The following DEFB1 variants were observed in gnomAD, a reference collection of about 807,000 sequenced individuals.
The protein encoded by DEFB1 is beta-defensin 1.
Under a neutral mutation model 2.6 loss-of-function variants are expected in DEFB1, and 4 were observed. The observed-to-expected ratio is 1.53, with a 90% CI of 0.76 to 3.51. The LOEUF (loss-of-function observed/expected upper bound fraction) is 3.51. Ranked by LOEUF, DEFB1 falls within the 30% of genes most tolerant of loss-of-function variation. The pLI is 0.01. For synonymous variants in DEFB1, 56 were observed against 28.5 expected (o/e 1.96, Z -3.07); for missense variants, 162 against 76.9 (o/e 2.11, Z -4.14).
intron 1 of DEFB1, among the ~76,000 whole-genome samples, chr8:6,875,100 AC>A (rs1806476774): frequency 6.6e-6 from 1 of 151,094 alleles, no homozygotes; most frequent in Non-Finnish European, 1.5e-5. Flanking sequence ...ACACACACAC[AC>A]ACACACACCC....
intron 1 of DEFB1, among the ~76,000 whole-genome samples, chr8:6,877,164 C>T (rs539900922): frequency 6.6e-6 from 1 of 152,324 alleles, no homozygotes; most frequent in East Asian, 1.9e-4. Flanking sequence ...CCGATTCCTC[C>T]TGCACGTCCC....
chr8:6,870,769 C>A lies in DEFB1; in HGVS notation c.119G>T (p.Ser40Ile), dbSNP rs1468709660. 6.2e-7 allele frequency: 1 copy of A among 1,614,148 alleles called. No homozygotes were observed. The highest frequency in any genetic ancestry group is 8.5e-7 in the Non-Finnish European group (1 of 1,180,060). ...HRSDHYNCVS[S>I]GGQCLYSACP... ...GGCAGAATAGAGACATTGCCCTCCA[C>A]TGCTGACGCAATTGTAATGATCAGA... is the stretch of plus-strand genomic sequence containing the variant. The change falls in exon 2 of 2, where the codon AGT becomes ATT. Residue 40 changes from serine to isoleucine, a missense_variant. Physicochemically the swap from Ser to Ile is moderately radical, Grantham distance 142. Transcript: ENST00000297439.
chr8:6,876,102 C>T (rs1346968141), intron 1 of DEFB1, among the ~76,000 whole-genome samples: 1 of 152,172 alleles, frequency 6.6e-6, no homozygotes, highest in Non-Finnish European at 1.5e-5. Flanking sequence ...AACATATGCA[C>T]ACACCCCAAA....
chr8:6,877,862 A>G lies in DEFB1; in HGVS notation c.-5T>C, dbSNP rs978060463. The G allele has an allele frequency of 1.9e-6, 3 of 1,613,952 alleles. No individual in the cohort carries two copies. The highest frequency in any genetic ancestry group is 2.7e-5 in the African/African-American group (2 of 75,036). On this transcript the variant is annotated 5_prime_UTR_variant, in exon 1 of 2. Coordinates refer to ENST00000297439, the MANE Select transcript of DEFB1 (RefSeq NM_005218.4). Reference sequence around the variant, plus strand: ...CAGAAGGTAGGAAGTTCTCATGGCGACTGGCAGGCAACACCCAGGATTTCA... The same window carrying G: ...CAGAAGGTAGGAAGTTCTCATGGCGGCTGGCAGGCAACACCCAGGATTTCA...
intron 1 of DEFB1, among the ~76,000 whole-genome samples, chr8:6,877,493 C>T (rs1196023923): frequency 6.6e-6 from 1 of 152,208 alleles, no homozygotes; most frequent in African/African-American, 2.4e-5. Context: ...AGTCGTCTTG[C>T]AGGGGAAGCA....
chr8:6,877,726 T>TCAGC, intron 1 of DEFB1, 71 bp downstream of exon 1: 1 of 1,391,918 alleles, frequency 7.2e-7, no homozygotes. Context: ...GAGGCAGCCA[T>TCAGC]CCGAGACTCA....
intron 1 of DEFB1, among the ~76,000 whole-genome samples, chr8:6,872,246 C>A (rs1161527311): frequency 6.6e-6 from 1 of 152,078 alleles, no homozygotes; most frequent in South Asian, 2.1e-4. Flanking sequence ...ATAGAGGCTT[C>A]ATTTCTCTCA....
chr8:6,871,149 A>T (rs938829314), intron 1 of DEFB1, among the ~76,000 whole-genome samples: 2 of 152,148 alleles, frequency 1.3e-5, no homozygotes, highest in Admixed American at 6.5e-5. Flanking sequence ...CCTTGTCTCA[A>T]CACACCCCAA....
intron 1 of DEFB1, among the ~76,000 whole-genome samples, chr8:6,872,845 C>G (rs1025780534): frequency 5.9e-5 from 9 of 152,194 alleles, no homozygotes; most frequent in African/African-American, 2.2e-4. Context: ...GCCAAAGTCT[C>G]CACTTTCTGC....
intron 1 of DEFB1, among the ~76,000 whole-genome samples, chr8:6,873,233 C>A (rs1806387887): frequency 6.6e-6 from 1 of 152,188 alleles, no homozygotes; most frequent in Admixed American, 6.5e-5. Context: ...GGTCAAAGAC[C>A]AACCCCGGAC....
intron 1 of DEFB1, among the ~76,000 whole-genome samples, chr8:6,877,231 T>C (rs939198687): frequency 3.3e-5 from 5 of 152,222 alleles, no homozygotes; most frequent in Admixed American, 3.3e-4. Context: ...TACACCTGGC[T>C]CACAGGAAGC....
In DEFB1 at chr8:6,870,677, C is replaced by T. The variant is rs766860665; in HGVS notation, c.*4G>A. ...CTGCGTCATTTCTTCTGGTCACTCC[C>T]AGCTCACTTGCAGCACTTGGCCTTC... On this transcript the variant is annotated 3_prime_UTR_variant, in exon 2 of 2. Coordinates refer to ENST00000297439, the MANE Select transcript of DEFB1 (RefSeq NM_005218.4). 11 of 1,612,978 alleles carry T rather than the reference C, an allele frequency of 6.8e-6. No individual in the cohort carries two copies. The East Asian group carries it at 1.3e-4, about 20-fold the overall frequency.
rs1241252739 is a variant in DEFB1 at position 6,875,101 on chromosome 8, CACACACA to C, written c.61+2689_61+2695del. Among the ~76,000 whole-genome samples, 5 of 151,290 alleles carry C rather than the reference CACACACA, an allele frequency of 3.3e-5. No individual in the cohort carries two copies. In the South Asian group the frequency reaches 6.2e-4, roughly 19 times the overall value. On this transcript the variant is annotated intron_variant, in intron 1 of 1. Coordinates refer to ENST00000297439, the MANE Select transcript of DEFB1 (RefSeq NM_005218.4). ...ACACACACACACACACACACACACA[CACACACA>C]CCCCATTGCCAGATGGATTGTAAGT...
chr8:6,873,080 T>G (rs2980926), intron 1 of DEFB1, among the ~76,000 whole-genome samples: 125,393 of 152,208 alleles, frequency 0.82, 51,867 homozygotes, highest in Middle Eastern at 0.89. Flanking sequence ...TATATGCTGA[T>G]TAAGCAGAGG....
chr8:6,874,962 A>G (rs1806467975), intron 1 of DEFB1, among the ~76,000 whole-genome samples: 1 of 144,788 alleles, frequency 6.9e-6, no homozygotes, highest in Non-Finnish European at 1.5e-5. Flanking sequence ...AGCCTGGGTG[A>G]CAGAGCGAGA....
At chr8:6,872,559 A>G (rs1039373386) in intron 1 of DEFB1, among the ~76,000 whole-genome samples, 1 of 152,138 alleles carries the variant, frequency 6.6e-6, no homozygotes, top group Non-Finnish European at 1.5e-5. Context: ...GGGCCCGGAA[A>G]CCAGGCATTG....
intron 1 of DEFB1, among the ~76,000 whole-genome samples, chr8:6,872,877 G>A (rs1806372595): frequency 6.6e-6 from 1 of 152,178 alleles, no homozygotes; most frequent in Admixed American, 6.5e-5. Flanking sequence ...TGCACTGGAG[G>A]CTCCCAGTGC....
chr8:6,872,103 G>A (rs188879092), intron 1 of DEFB1, among the ~76,000 whole-genome samples: 22 of 152,046 alleles, frequency 1.4e-4, no homozygotes, highest in African/African-American at 5.3e-4. Context: ...TGTCCTCAAT[G>A]CCTGGTTTCT....
chr8:6,871,037 C>T (rs182900814), intron 1 of DEFB1, among the ~76,000 whole-genome samples: 110 of 152,378 alleles, frequency 7.2e-4, no homozygotes, highest in Non-Finnish European at 1.2e-3. Context: ...TGGCCAAATA[C>T]AAGCCAAGGA....
Sources: allele counts gnomAD v4.1 joint callset (sites outside exome capture counted in the v4.1 genomes callset), GRCh38; gene constraint gnomAD v4.1.1; transcripts MANE v1.5; gene names NCBI Gene and HGNC (gene_info 2026-07-23, HGNC 2026-07-21).